Variants in TOX2 observed in about 807,000 individuals in gnomAD.
TOX2 encodes the protein granulosa cell HMG box 1.
TOX2 carries 15 observed loss-of-function variants against 47.4 expected under a neutral mutation model. That is an observed-to-expected ratio of 0.32 (90% CI 0.21 to 0.49). The LOEUF is 0.49. TOX2 is among the 20% of genes least tolerant of loss of function. The pLI, the probability that TOX2 is intolerant of heterozygous loss-of-function variation, is 0.99. For missense variants in TOX2, 622 were observed against 673.1 expected (o/e 0.92, Z 0.84); for synonymous variants, 290 against 296.6 (o/e 0.98, Z 0.23).
chr20:44,021,520 T>A (rs1600746277), intron 3 of TOX2, among the ~76,000 whole-genome samples: 1 of 152,174 alleles, frequency 6.6e-6, no homozygotes, highest in Middle Eastern at 3.2e-3. Flanking sequence ...CCACTCCCTT[T>A]TTGTCTGCCT....
At chr20:44,055,426 A>G (rs867751601) in intron 5 of TOX2, among the ~76,000 whole-genome samples, 2 of 152,146 alleles carry the variant, frequency 1.3e-5, no homozygotes, top group Non-Finnish European at 2.9e-5. Flanking sequence ...AGTGTTCCAG[A>G]CAGGGAGGCC....
chr20:43,927,238 C>T (rs1028303619), intron 1 of TOX2, among the ~76,000 whole-genome samples: 9 of 152,160 alleles, frequency 5.9e-5, no homozygotes, highest in Admixed American at 1.3e-4. Context: ...ACATAGTTAA[C>T]GTCCCACTTT....
chr20:43,983,295 G>C (rs926810849), intron 2 of TOX2, among the ~76,000 whole-genome samples: 1 of 152,140 alleles, frequency 6.6e-6, no homozygotes, highest in Admixed American at 6.5e-5. Flanking sequence ...CTTGGAGTTC[G>C]TGATTCTTGC....
intron 2 of TOX2, among the ~76,000 whole-genome samples, chr20:43,991,324 T>G (rs1340076166): frequency 1.3e-5 from 2 of 152,202 alleles, no homozygotes; most frequent in Non-Finnish European, 2.9e-5. Flanking sequence ...GGAAAGATGG[T>G]GCAGCACTGA....
rs1170359190 is a variant in TOX2 at position 43,916,785 on chromosome 20, G to A, written c.99+1795G>A. 2.0e-5 allele frequency among the ~76,000 whole-genome samples: 3 copies of A among 152,290 alleles called. No individual in the cohort carries two copies. The highest frequency in any genetic ancestry group is 1.9e-4 in the East Asian group (1 of 5,174). The stretch of plus-strand genomic sequence containing the variant: ...TGCCTCAAAGTCTGAGTGGGTGGGG[G>A]TTTAGCCTGGAGCGCTCCGTTTGAG... On this transcript the variant is annotated intron_variant, in intron 1 of 8. Transcript: ENST00000341197. This position sits in a 1 kb window ranked among gnomAD's most constrained non-coding sequence, Gnocchi z 5.0.
At chr20:44,045,307 A>T (rs1402351448) in intron 3 of TOX2, among the ~76,000 whole-genome samples, 1 of 151,830 alleles carries the variant, frequency 6.6e-6, no homozygotes, top group Non-Finnish European at 1.5e-5. Context: ...TGATTAAAAA[A>T]ATCAGTTGCA....
chr20:43,961,752 G>A (rs966545387), intron 1 of TOX2, among the ~76,000 whole-genome samples: 1 of 152,040 alleles, frequency 6.6e-6, no homozygotes, highest in Admixed American at 6.5e-5. Flanking sequence ...GCCTGGCTTC[G>A]ATGAGACTCT....
chr20:43,996,399 T>A (rs1475315820), intron 2 of TOX2, among the ~76,000 whole-genome samples: 1 of 152,202 alleles, frequency 6.6e-6, no homozygotes, highest in Non-Finnish European at 1.5e-5. Context: ...AACGTGACAC[T>A]GGAACAAGAG....
At chr20:44,003,782 T>C (rs1038493571) in intron 2 of TOX2, among the ~76,000 whole-genome samples, 2 of 151,976 alleles carry the variant, frequency 1.3e-5, no homozygotes, top group Non-Finnish European at 1.5e-5. Flanking sequence ...GGGAACTGTG[T>C]AGGGGAGAGC....
intron 1 of TOX2, among the ~76,000 whole-genome samples, chr20:43,959,411 A>G (rs1216152010): frequency 6.6e-6 from 1 of 152,246 alleles, no homozygotes; most frequent in African/African-American, 2.4e-5. Context: ...TGGTACTGAC[A>G]GAAGGAAGTG....
chr20:44,034,585 C>T (rs1046568729), intron 3 of TOX2, among the ~76,000 whole-genome samples: 3 of 152,284 alleles, frequency 2.0e-5, no homozygotes, highest in South Asian at 2.1e-4. Flanking sequence ...GAAAGAGGCT[C>T]GAGGCAGTGA....
In TOX2 at chr20:43,916,354, C is replaced by T. The variant is rs1459525199; in HGVS notation, c.99+1364C>T. On this transcript the variant is annotated intron_variant, in intron 1 of 8. Transcript: ENST00000341197. This position sits in a 1 kb window ranked among gnomAD's most constrained non-coding sequence, Gnocchi z 5.0. ...CCGGGGCCTCCCGGGCTGGGCCTCC[C>T]TGAGTGCGCCCTCAGGCCCCAGGGG... is the stretch of plus-strand genomic sequence containing the variant. The T allele has an allele frequency of 4.0e-5, 22 of 552,822 alleles. No homozygotes were observed. The highest frequency in any genetic ancestry group is 6.3e-5 in the Admixed American group (1 of 15,756). 34.2% of individuals were successfully genotyped at this position (552,822 alleles called of 1,614,324 possible).
At chr20:44,016,717 G>C (rs2070884830) in intron 3 of TOX2, among the ~76,000 whole-genome samples, 1 of 152,152 alleles carries the variant, frequency 6.6e-6, no homozygotes. Flanking sequence ...TGCTGAGAAG[G>C]CTGTTCCACC....
chr20:44,021,496 C>T (rs904067314), intron 3 of TOX2, among the ~76,000 whole-genome samples: 1 of 152,224 alleles, frequency 6.6e-6, no homozygotes, highest in South Asian at 2.1e-4. Context: ...TCCCTGTGCA[C>T]ACAAGACCCC....
Position 44,065,709 on chromosome 20 carries a change from C to T in TOX2, c.961-3C>T, listed in dbSNP as rs756052217. 24 of 1,572,248 alleles carry T rather than the reference C, an allele frequency of 1.5e-5. No individual in the cohort carries two copies. Among genetic ancestry groups the T allele is most frequent in the African/African-American group, 1.5e-4 (11 of 74,250 alleles). On this transcript the variant is annotated splice_polypyrimidine_tract_variant and splice_region_variant and intron_variant, in intron 6 of 8. Transcript: ENST00000341197. ...CCAGTGACTGATATCTGTCTCCTTC[C>T]AGAGCTCCCCAGATCAAGGTGAGAC...
chr20:44,006,632 A>G lies in TOX2; in HGVS notation c.251A>G (p.His84Arg), dbSNP rs779561579. Reference sequence around the variant, plus strand: ...AACCTCCCGGAGCCATCCCTCCTGCACCTGGGGGACCACGAAGCCAGCTAC... The same window carrying G: ...AACCTCCCGGAGCCATCCCTCCTGCGCCTGGGGGACCACGAAGCCAGCTAC... ...PPNLPEPSLL[H>R]LGDHEASYHS... Residue 84 changes from histidine (H) to arginine (R), a missense_variant, in exon 3 of 9, where the codon CAC becomes CGC. Around this residue, in one of 3 missense-constraint regions of TOX2, gnomAD observed 307 missense variants for 327.3 expected, o/e 0.94. Transcript: ENST00000341197. The G allele has an allele frequency of 1.2e-6, 2 of 1,613,906 alleles. No homozygotes were observed. The highest frequency in any genetic ancestry group is 2.2e-5 in the East Asian group (1 of 44,886).
rs181539111 is a variant in TOX2, at chr20:44,063,309, T to C, written c.880-1468T>C. 1.7e-3 allele frequency among the ~76,000 whole-genome samples: 253 copies of C among 152,100 alleles called. 1 individual carries two copies. The highest frequency in any genetic ancestry group is 5.7e-3 in the African/African-American group (236 of 41,482). ...AAGAAAAAAACAATCCCATCAAAAA[T>C]TGGGCTAAGGAGATGAATAGAGAAT... On this transcript the variant is annotated intron_variant, in intron 5 of 8. Transcript: ENST00000341197.
In TOX2 at chr20:44,051,558, G is replaced by C. The variant is rs1189844506; in HGVS notation, c.651+13G>C. 1 of 1,560,326 alleles carries C rather than the reference G, an allele frequency of 6.4e-7. No individual in the cohort carries two copies. Among genetic ancestry groups the C allele is most frequent in the Non-Finnish European group, 8.7e-7 (1 of 1,148,814 alleles). ...AGTGCATTTCAAGGTATGTGCGGTG[G>C]AGGAACAGAGCCTGAAGCTGCCCTC... On this transcript the variant is annotated intron_variant, in intron 4 of 8. Transcript: ENST00000341197.
intron 1 of TOX2, 97 bp from the exon 2 acceptor site, chr20:43,973,270 C>G: frequency 8.2e-7 from 1 of 1,217,406 alleles, no homozygotes. Context: ...CCCACAGTCC[C>G]CTGCAGTCAG....
Sources: gnomAD v4.1 joint callset for allele counts (sites outside exome capture counted in the v4.1 genomes callset) on GRCh38, gnomAD v4.1.1 for gene constraint, gnomAD v4.1.1 regional missense constraint, Gnocchi (gnomAD v3.1) non-coding constraint, MANE v1.5 for transcripts, NCBI Gene and HGNC (gene_info 2026-07-23, HGNC 2026-07-21) for gene names.